The following CRMP1 variants were observed in gnomAD, a reference collection of about 807,000 sequenced individuals.
CRMP1 encodes the protein dihydropyrimidinase-related protein 1.
In CRMP1, 19 loss-of-function variants were observed where a neutral mutation model predicts 68.3. That is an observed-to-expected ratio of 0.28 (90% confidence interval 0.19 to 0.41). CRMP1 has a LOEUF of 0.41. Ranked by LOEUF, CRMP1 falls within the 10% of genes least tolerant of loss-of-function variation. The probability of loss-of-function intolerance (pLI) is 1.00; values close to 1 mark genes in which losing one functional copy is unlikely to be tolerated. For synonymous variants in CRMP1, 439 were observed against 399.6 expected, an observed-to-expected ratio of 1.10 and a Z score of -1.18; for missense variants, 791 against 967.4, an observed-to-expected ratio of 0.82 and a Z score of 2.42.
intron 11 of CRMP1, among the ~76,000 whole-genome samples, chr4:5,833,815 C>T (rs560168594): frequency 1.3e-5 from 2 of 152,174 alleles, no homozygotes; most frequent in African/African-American, 2.4e-5. Context: ...GAGGCCCACA[C>T]GGGCGGATCA....
chr4:5,827,110 A>T (rs1018150877), intron 12 of CRMP1, among the ~76,000 whole-genome samples: 5 of 152,166 alleles, frequency 3.3e-5, no homozygotes, highest in Non-Finnish European at 7.4e-5. Flanking sequence ...ATCCCTGTGC[A>T]ATGGGACCCC....
Position 5,821,491 on chromosome 4 carries a change from A to G in CRMP1, c.*269T>C, listed in dbSNP as rs1718548263. ...GGAAGGGACAGAACAAGACAATGCT[A>G]AAACCTGTGGTTCACTAGGAAGGGG... On this transcript the variant is annotated 3_prime_UTR_variant, in exon 14 of 14. Transcript: ENST00000324989. The surrounding 1 kb of genome is among the most constrained non-coding windows in gnomAD (Gnocchi z 4.4). 1 of 512,436 alleles carries G rather than the reference A, an allele frequency of 2.0e-6. No homozygotes were observed. 31.7% of individuals were successfully genotyped at this position (512,436 alleles called of 1,614,324 possible).
Position 5,853,539 on chromosome 4 carries a change from C to T in CRMP1, c.821-2070G>A, listed in dbSNP as rs1296319006. Among the ~76,000 whole-genome samples the T allele has an allele frequency of 1.3e-5, 2 of 152,126 alleles. No individual in the cohort carries two copies. The highest frequency in any genetic ancestry group is 2.9e-5 in the Non-Finnish European group (2 of 68,020). ...TCTATGGGGAACAGTACGGAGGCTC[C>T]TCACAAAACTAAGAACTGAATTACC... is the stretch of plus-strand genomic sequence containing the variant. On this transcript the variant is annotated intron_variant, in intron 4 of 13. Coordinates refer to ENST00000324989, the MANE Select transcript of CRMP1 (RefSeq NM_001014809.3). The surrounding 1 kb of genome is among the most constrained non-coding windows in gnomAD (Gnocchi z 4.7).
chr4:5,848,374 G>A (rs1053319711), intron 6 of CRMP1, among the ~76,000 whole-genome samples: 1 of 152,088 alleles, frequency 6.6e-6, no homozygotes, highest in Non-Finnish European at 1.5e-5. Flanking sequence ...GTATTTTTTA[G>A]TAGAGATGGG....
At chr4:5,832,611 T>C (rs968914509) in intron 11 of CRMP1, among the ~76,000 whole-genome samples, 1 of 152,214 alleles carries the variant, frequency 6.6e-6, no homozygotes, top group Non-Finnish European at 1.5e-5. Context: ...GTGGATGGCA[T>C]TGCTTTGGAC....
At chr4:5,849,841 T>C (rs568505494) in intron 5 of CRMP1, among the ~76,000 whole-genome samples, 1 of 152,312 alleles carries the variant, frequency 6.6e-6, no homozygotes, top group South Asian at 2.1e-4. Flanking sequence ...GAAGTCACTG[T>C]TAGTTTTACA....
intron 11 of CRMP1, among the ~76,000 whole-genome samples, chr4:5,832,163 G>A (rs1352399264): frequency 6.6e-6 from 1 of 152,230 alleles, no homozygotes; most frequent in African/African-American, 2.4e-5. Flanking sequence ...GGTTGCTAGG[G>A]AATGGGGGTG....
intron 13 of CRMP1, among the ~76,000 whole-genome samples, chr4:5,822,097 C>G (rs569868631): frequency 6.6e-6 from 1 of 152,324 alleles, no homozygotes; most frequent in African/African-American, 2.4e-5. Context: ...TGTCAAAATC[C>G]CCAGTAAAAT....
chr4:5,848,156 T>G (rs115852819), intron 6 of CRMP1, among the ~76,000 whole-genome samples: 54 of 152,176 alleles, frequency 3.5e-4, no homozygotes, highest in African/African-American at 1.3e-3. Flanking sequence ...CATTTTTTTT[T>G]TTTTTTGAGA....
chr4:5,827,150 C>T (rs1312601390), intron 12 of CRMP1, among the ~76,000 whole-genome samples: 1 of 152,220 alleles, frequency 6.6e-6, no homozygotes, highest in Non-Finnish European at 1.5e-5. Flanking sequence ...AAATTGCTGT[C>T]TTGGCATTTG....
Position 5,828,518 on chromosome 4 carries a change from G to T in CRMP1, c.1774C>A (p.Leu592Met). Residue 592 changes from leucine to methionine, a missense_variant, in exon 12 of 14, where the codon CTG (leucine) becomes ATG (methionine). Leu to Met is a conservative substitution (Grantham distance 15). Coordinates refer to ENST00000324989, the MANE Select transcript of CRMP1 (RefSeq NM_001014809.3). Reference protein sequence around the residue: ...FIPRKAFPEHLYQRVKIRNKV... With the variant: ...FIPRKAFPEHMYQRVKIRNKV... ...TTCCTGATTTTGACGCGCTGGTACAGGTGCTCCGGGAACGCCTTCCGCGGA... is the reference window on the plus strand; with the variant it reads ...TTCCTGATTTTGACGCGCTGGTACATGTGCTCCGGGAACGCCTTCCGCGGA... The T allele has an allele frequency of 6.2e-7, 1 of 1,614,252 alleles. No individual in the cohort carries two copies. Among genetic ancestry groups the T allele is most frequent in the Non-Finnish European group, 8.5e-7 (1 of 1,180,036 alleles).
intron 1 of CRMP1, among the ~76,000 whole-genome samples, chr4:5,882,601 A>G (rs575893428): frequency 2.3e-4 from 35 of 152,368 alleles, no homozygotes; most frequent in African/African-American, 8.2e-4. Flanking sequence ...ATTTCCAAAC[A>G]TAAATCTGTA....
At chr4:5,828,044 C>G (rs1719961062) in intron 12 of CRMP1, 1 of 985,442 alleles carries the variant, frequency 1.0e-6, no homozygotes, top group Non-Finnish European at 1.2e-6. Context: ...GAAGCCCTGC[C>G]TGCAAGATGC....
At chr4:5,856,891 T>C (rs116424553) in intron 3 of CRMP1, among the ~76,000 whole-genome samples, 97 of 5,990 alleles carry the variant, frequency 0.016, 1 homozygote, top group African/African-American at 0.055. Context: ...ACCACCACCA[T>C]CATCATCATT....
In CRMP1 at chr4:5,866,510, G is replaced by C. The variant is rs73797942; in HGVS notation, c.470+158C>G. ...AGAAATGCCAGCCCCTTCTCCACCC[G>C]CAGTGTGCACCTCCCCCAACCTCTG... On this transcript the variant is annotated intron_variant, in intron 2 of 13. Transcript: ENST00000324989. This position sits in a 1 kb window ranked among gnomAD's most constrained non-coding sequence, Gnocchi z 5.9. Among the ~76,000 whole-genome samples, 1 of 152,150 alleles carries C rather than the reference G, an allele frequency of 6.6e-6. No homozygotes were observed. Among genetic ancestry groups the C allele is most frequent in the Non-Finnish European group, 1.5e-5 (1 of 68,016 alleles).
Position 5,881,580 on chromosome 4 carries a change from T to C in CRMP1, c.381+11009A>G, listed in dbSNP as rs574563317. Among the ~76,000 whole-genome samples, 1 of 152,158 alleles carries C rather than the reference T, an allele frequency of 6.6e-6. No homozygotes were observed. The highest frequency in any genetic ancestry group is 2.4e-5 in the African/African-American group (1 of 41,434). On this transcript the variant is annotated intron_variant, in intron 1 of 13. Coordinates refer to ENST00000324989, the MANE Select transcript of CRMP1 (RefSeq NM_001014809.3). This position sits in a 1 kb window ranked among gnomAD's most constrained non-coding sequence, Gnocchi z 4.6. The stretch of plus-strand genomic sequence containing the variant: ...CCACTGCCCCGACCATGTTCTTTTA[T>C]ATGCTCTCACGGCAAAGTCCTCCGG...
Position 5,892,844 on chromosome 4 carries a change from G to A in CRMP1, c.126C>T (p.Ala42=), listed in dbSNP as rs756808568. ...CGAAGTCGATGGTCTTGTTCTCGTA[G>A]GCGCCCTCCACCGCGGCGAACATGC... ...YGGMFAAVEG[A]YENKTIDFDA... is the part of the protein sequence containing the mutation. The change falls in exon 1 of 14, where the codon GCC becomes GCT. Residue 42 remains alanine (A), a synonymous_variant. Transcript: ENST00000324989. This position sits in a 1 kb window ranked among gnomAD's most constrained non-coding sequence, Gnocchi z 8.6. 7.1e-6 allele frequency: 10 copies of A among 1,417,314 alleles called. No individual in the cohort carries two copies. The South Asian group carries it at 1.2e-4, about 17-fold the overall frequency. 87.8% of individuals were successfully genotyped at this position (1,417,314 alleles called of 1,614,324 possible).
In CRMP1 at chr4:5,825,843, T is replaced by TCATACACACAAGCATG. The variant is rs1719492049; in HGVS notation, c.1804-200_1804-185dup. 1.7e-6 allele frequency: 1 copy of TCATACACACAAGCATG among 604,084 alleles called. No homozygotes were observed. The highest frequency in any genetic ancestry group is 2.8e-6 in the Non-Finnish European group (1 of 355,662). The allele number at this position is 604,084 out of a possible 1,614,324, so 37.4% of individuals were successfully genotyped here. On this transcript the variant is annotated intron_variant, in intron 12 of 13. Coordinates refer to ENST00000324989, the MANE Select transcript of CRMP1 (RefSeq NM_001014809.3). The surrounding 1 kb of genome is among the most constrained non-coding windows in gnomAD (Gnocchi z 4.4). ...CACACATGCAGCCGCACACAGGCAT[T>TCATACACACAAGCATG]CATACACACAAGCATGCATACACAC...
intron 1 of CRMP1, among the ~76,000 whole-genome samples, chr4:5,878,219 T>A (rs562116143): frequency 2.0e-5 from 3 of 151,746 alleles, no homozygotes; most frequent in Admixed American, 1.3e-4. Context: ...CTGGCACCTA[T>A]ACAGAGACCA....
Sources: gnomAD v4.1 joint callset for allele counts (sites outside exome capture counted in the v4.1 genomes callset) on GRCh38, gnomAD v4.1.1 for gene constraint, Gnocchi (gnomAD v3.1) non-coding constraint, MANE v1.5 for transcripts, NCBI Gene and HGNC (gene_info 2026-07-23, HGNC 2026-07-21) for gene names.